The following KAZN variants were observed in gnomAD, a reference collection of about 807,000 sequenced individuals.
KAZN encodes the protein kazrin, periplakin interacting protein, also known as kazrin.
A neutral mutation model predicts 87.4 loss-of-function variants in KAZN; 40 were observed. The ratio of observed to expected loss-of-function variants is 0.46; its 90% CI spans 0.36 to 0.60. The LOEUF (loss-of-function observed/expected upper bound fraction) is 0.60, where lower values mean the gene tolerates loss of function less well. Among genes scored for constraint, KAZN ranks in the 20% least tolerant of loss-of-function variants. The pLI is 0.00. For missense variants in KAZN, 898 were observed against 1,073.9 expected (o/e 0.84, Z 2.29); for synonymous variants, 466 against 458.3 (o/e 1.02, Z -0.22).
chr1:14,226,834 A>T (rs1647334985), intron 2 of KAZN, among the ~76,000 whole-genome samples: 1 of 148,692 alleles, frequency 6.7e-6, no homozygotes, highest in African/African-American at 2.5e-5. Context: ...CTTATAAGTG[A>T]GTGCTAAACA....
At chr1:14,441,381 A>G (rs4661495) in intron 2 of KAZN, among the ~76,000 whole-genome samples, 15,003 of 151,838 alleles carry the variant, frequency 0.099, 1,095 homozygotes, top group African/African-American at 0.19. Context: ...CAGCGGCAGC[A>G]GCAGCAGCAG....
At chr1:14,827,971 C>T (rs1406078496) in intron 1 of KAZN, among the ~76,000 whole-genome samples, 1 of 152,190 alleles carries the variant, frequency 6.6e-6, no homozygotes, top group Admixed American at 6.5e-5. Context: ...CTTGGGAAGA[C>T]GACTAAAGTT....
At chr1:13,994,111 C>T (rs1639405119) in intron 1 of KAZN, among the ~76,000 whole-genome samples, 1 of 152,168 alleles carries the variant, frequency 6.6e-6, no homozygotes, top group South Asian at 2.1e-4. Context: ...CAGGGAACTC[C>T]ATGACAGGGC....
At chr1:14,520,443 T>C (rs1445062969) in intron 2 of KAZN, among the ~76,000 whole-genome samples, 1 of 151,976 alleles carries the variant, frequency 6.6e-6, no homozygotes, top group Admixed American at 6.6e-5. Flanking sequence ...TGGGGGACAA[T>C]TGTGCATGCC....
At chr1:14,703,457 C>T (rs979622754) in intron 1 of KAZN, among the ~76,000 whole-genome samples, 2 of 152,242 alleles carry the variant, frequency 1.3e-5, no homozygotes, top group Non-Finnish European at 2.9e-5. Flanking sequence ...TTCTTCTTCT[C>T]CCTGCTGCCA....
At chr1:14,811,980 G>A (rs1187840685) in intron 1 of KAZN, among the ~76,000 whole-genome samples, 1 of 152,144 alleles carries the variant, frequency 6.6e-6, no homozygotes, top group Non-Finnish European at 1.5e-5. Flanking sequence ...ACTGCCCTCT[G>A]CAGATGGTGA....
chr1:14,381,612 G>A (rs1007079376), intron 2 of KAZN, among the ~76,000 whole-genome samples: 1 of 152,008 alleles, frequency 6.6e-6, no homozygotes, highest in African/African-American at 2.4e-5. Flanking sequence ...AAAAGTAGCC[G>A]ATAAATTCAA....
chr1:15,028,002 G>A (rs528436544), intron 2 of KAZN, among the ~76,000 whole-genome samples: 45 of 152,296 alleles, frequency 3.0e-4, no homozygotes, highest in Non-Finnish European at 5.3e-4. Context: ...CCTTTGTGTC[G>A]TTTTTAGTTT....
At chr1:14,268,511 T>C (rs1187473151) in intron 2 of KAZN, among the ~76,000 whole-genome samples, 1 of 150,884 alleles carries the variant, frequency 6.6e-6, no homozygotes. Context: ...CAGCACAGAT[T>C]GAGAGGAAGG....
intron 1 of KAZN, among the ~76,000 whole-genome samples, chr1:14,905,425 C>T (rs1412554158): frequency 3.3e-5 from 5 of 152,158 alleles, no homozygotes; most frequent in Non-Finnish European, 4.4e-5. Flanking sequence ...GCAAATGGGA[C>T]GCAGTCACAA....
intron 2 of KAZN, among the ~76,000 whole-genome samples, chr1:14,189,820 CACAA>C (rs997843981): frequency 1.3e-5 from 2 of 152,122 alleles, no homozygotes; most frequent in African/African-American, 4.8e-5. Context: ...CAATCTATCA[CACAA>C]ACAAATCAGC....
intron 2 of KAZN, among the ~76,000 whole-genome samples, chr1:15,034,422 C>T (rs1301897313): frequency 6.6e-6 from 1 of 152,184 alleles, no homozygotes; most frequent in Non-Finnish European, 1.5e-5. Flanking sequence ...GAGCCATGGG[C>T]CCCTGGAGCC....
In KAZN at chr1:14,557,833, G is replaced by A. The variant is rs539463367; in HGVS notation, c.250-41150G>A. On this transcript the variant is annotated intron_variant, in intron 2 of 16. Coordinates refer to the KAZN transcript ENST00000636203. ...GATGGTGCATGTCTGATTAATATTT[G>A]TCTTCCCAGCTCCTGCTACAGAGCC... 1.6e-4 allele frequency among the ~76,000 whole-genome samples: 24 copies of A among 152,150 alleles called. 1 individual carries two copies. The highest frequency in any genetic ancestry group is 1.2e-3 in the Admixed American group (18 of 15,270).
At chr1:14,359,514 C>T (rs941051439) in intron 2 of KAZN, among the ~76,000 whole-genome samples, 1 of 152,142 alleles carries the variant, frequency 6.6e-6, no homozygotes, top group Non-Finnish European at 1.5e-5. Context: ...TTAGTTGATG[C>T]AGTTTCTTCC....
intron 2 of KAZN, among the ~76,000 whole-genome samples, chr1:14,559,919 C>T (rs533115236): frequency 8.5e-4 from 129 of 152,336 alleles, no homozygotes; most frequent in Non-Finnish European, 1.0e-4. Context: ...AGACCTAGGG[C>T]TGGTTCAGGG....
chr1:14,182,452 T>A (rs1646217646), intron 2 of KAZN, among the ~76,000 whole-genome samples: 1 of 152,196 alleles, frequency 6.6e-6, no homozygotes, highest in Non-Finnish European at 1.5e-5. Flanking sequence ...AGTATACCAC[T>A]CTGATTGGTT....
At chr1:15,030,688 C>T (rs903684268) in intron 2 of KAZN, among the ~76,000 whole-genome samples, 3 of 152,224 alleles carry the variant, frequency 2.0e-5, no homozygotes, top group Non-Finnish European at 4.4e-5. Context: ...CTGAGGCCTG[C>T]AGGGCCCACC....
chr1:14,587,238 C>A (rs1675905848), intron 2 of KAZN, among the ~76,000 whole-genome samples: 1 of 151,956 alleles, frequency 6.6e-6, no homozygotes, highest in Admixed American at 6.6e-5. Context: ...GAGTTCGAGA[C>A]CTGCCTGACC....
intron 1 of KAZN, among the ~76,000 whole-genome samples, chr1:13,928,046 T>C (rs1195643009): frequency 6.6e-6 from 1 of 152,216 alleles, no homozygotes; most frequent in African/African-American, 2.4e-5. Context: ...ATTTCAGAGC[T>C]GAAACTGTTA....
Sources: allele counts gnomAD v4.1 joint callset (sites outside exome capture counted in the v4.1 genomes callset), GRCh38; gene constraint gnomAD v4.1.1; transcripts MANE v1.5; gene names NCBI Gene and HGNC (gene_info 2026-07-23, HGNC 2026-07-21).